The following CNTNAP2 variants were observed in gnomAD, a reference collection of about 807,000 sequenced individuals.
The protein encoded by CNTNAP2 is contactin-associated protein-like 2.
Under a neutral mutation model 155.2 loss-of-function variants are expected in CNTNAP2, and 98 were observed. The observed-to-expected ratio is 0.63, with a 90% CI of 0.54 to 0.75. The LOEUF (loss-of-function observed/expected upper bound fraction) is 0.75, where lower values mean the gene tolerates loss of function less well. Ranked by LOEUF, CNTNAP2 falls within the 30% of genes least tolerant of loss-of-function variation. The pLI is 0.00. For missense variants in CNTNAP2, 1,727 were observed against 1,688.1 expected, an observed-to-expected ratio of 1.02 and a Z score of -0.40; for synonymous variants, 651 against 631.2, an observed-to-expected ratio of 1.03 and a Z score of -0.47.
At chr7:146,665,686 C>T (rs1800177694) in intron 1 of CNTNAP2, among the ~76,000 whole-genome samples, 1 of 148,334 alleles carries the variant, frequency 6.7e-6, no homozygotes, top group African/African-American at 2.5e-5. Flanking sequence ...GAGGCTGAGA[C>T]AGGAGAATCG....
intron 11 of CNTNAP2, among the ~76,000 whole-genome samples, chr7:147,542,285 T>C (rs1799653893): frequency 6.8e-6 from 1 of 146,552 alleles, no homozygotes; most frequent in Non-Finnish European, 1.5e-5. Flanking sequence ...AGGGAGACAT[T>C]TGGATTGTTC....
rs115280837 is a variant in CNTNAP2 at position 146,213,549 on chromosome 7, A to G, written c.97+96576A>G. ...TTGTATGTTGGGCAACTCAAGAAGT[A>G]ATTTATTCAAACCCTAATGCTGGAA... On this transcript the variant is annotated intron_variant, in intron 1 of 23. Transcript: ENST00000361727. 5.3e-3 allele frequency among the ~76,000 whole-genome samples: 800 copies of G among 152,322 alleles called. 6 individuals are homozygous for G. Among genetic ancestry groups the G allele is most frequent in the African/African-American group, 0.018 (757 of 41,574 alleles).
chr7:146,749,301 A>G (rs1161252013), intron 1 of CNTNAP2, among the ~76,000 whole-genome samples: 1 of 152,188 alleles, frequency 6.6e-6, no homozygotes, highest in Non-Finnish European at 1.5e-5. Flanking sequence ...TAAAGTAAAC[A>G]CTTTTATTAC....
At chr7:147,992,476 G>C (rs910624578) in intron 15 of CNTNAP2, among the ~76,000 whole-genome samples, 20 of 152,138 alleles carry the variant, frequency 1.3e-4, no homozygotes, top group Non-Finnish European at 2.8e-4. Flanking sequence ...ATAGGAAATA[G>C]TGCATTTGAA....
chr7:147,317,249 C>T (rs918999628), intron 9 of CNTNAP2, among the ~76,000 whole-genome samples: 1 of 152,210 alleles, frequency 6.6e-6, no homozygotes, highest in African/African-American at 2.4e-5. Flanking sequence ...CTAGTTAGTC[C>T]TCTTTCAATC....
intron 8 of CNTNAP2, among the ~76,000 whole-genome samples, chr7:147,190,562 G>A (rs564044627): frequency 6.6e-6 from 1 of 152,134 alleles, no homozygotes; most frequent in East Asian, 1.9e-4. Context: ...AATTTCCATA[G>A]CAGTGAACAG....
At chr7:147,114,926 G>C (rs1800955246) in intron 5 of CNTNAP2, among the ~76,000 whole-genome samples, 1 of 152,080 alleles carries the variant, frequency 6.6e-6, no homozygotes, top group East Asian at 1.9e-4. Context: ...GTATTTCGAT[G>C]TGTTTCTGTA....
At chr7:147,512,822 A>G (rs1322570198) in intron 11 of CNTNAP2, among the ~76,000 whole-genome samples, 1 of 152,180 alleles carries the variant, frequency 6.6e-6, no homozygotes, top group Non-Finnish European at 1.5e-5. Flanking sequence ...ATCTCAGCAT[A>G]GTTTTGAATG....
chr7:147,773,649 C>T (rs996362570), intron 13 of CNTNAP2, among the ~76,000 whole-genome samples: 7 of 152,138 alleles, frequency 4.6e-5, no homozygotes, highest in African/African-American at 9.7e-5. Context: ...TAAATTCAAG[C>T]CCTAATCTCT....
intron 13 of CNTNAP2, among the ~76,000 whole-genome samples, chr7:147,775,759 C>T (rs573132255): frequency 2.6e-4 from 39 of 152,096 alleles, no homozygotes; most frequent in Admixed American, 2.0e-4. Flanking sequence ...GGACTTGGCA[C>T]TATTAGAACA....
chr7:148,013,502 G>A (rs886982155), intron 15 of CNTNAP2, among the ~76,000 whole-genome samples: 10 of 152,260 alleles, frequency 6.6e-5, no homozygotes, highest in African/African-American at 2.2e-4. Flanking sequence ...CAGAAGAAAA[G>A]AGTTTATTAT....
intron 1 of CNTNAP2, among the ~76,000 whole-genome samples, chr7:146,410,265 T>C (rs918259320): frequency 1.3e-5 from 2 of 152,192 alleles, no homozygotes; most frequent in African/African-American, 2.4e-5. Flanking sequence ...AACCCAGCCA[T>C]ACCCAATTGT....
At chr7:146,886,556 T>G (rs1238053361) in intron 3 of CNTNAP2, among the ~76,000 whole-genome samples, 1 of 152,046 alleles carries the variant, frequency 6.6e-6, no homozygotes, top group African/African-American at 2.4e-5. Context: ...GTATGTTTTT[T>G]TCTGTTTCTT....
chr7:147,582,616 C>A (rs1360979916), intron 12 of CNTNAP2, among the ~76,000 whole-genome samples: 1 of 152,084 alleles, frequency 6.6e-6, no homozygotes, highest in Non-Finnish European at 1.5e-5. Context: ...TAAAGAAATT[C>A]TTTATGCCAA....
intron 1 of CNTNAP2, among the ~76,000 whole-genome samples, chr7:146,705,521 C>G (rs1800947810): frequency 6.6e-6 from 1 of 152,116 alleles, no homozygotes; most frequent in Non-Finnish European, 1.5e-5. Context: ...CTAATACAAT[C>G]TTCTTGGTAC....
At chr7:147,803,348 T>G (rs1045889281) in intron 13 of CNTNAP2, among the ~76,000 whole-genome samples, 1 of 152,184 alleles carries the variant, frequency 6.6e-6, no homozygotes, top group Non-Finnish European at 1.5e-5. Context: ...TGTTTTGTAT[T>G]CATAGAAATG....
At chr7:147,903,826 AT>A in intron 14 of CNTNAP2, 105 bp downstream of exon 14, 1 of 1,393,960 alleles carries the variant, frequency 7.2e-7, no homozygotes, top group Non-Finnish European at 9.9e-7. Context: ...TAATACGATA[AT>A]AGGGTAGAAA....
intron 17 of CNTNAP2, among the ~76,000 whole-genome samples, chr7:148,167,957 C>A (rs1805702383): frequency 6.6e-6 from 1 of 152,142 alleles, no homozygotes; most frequent in South Asian, 2.1e-4. Flanking sequence ...TAAATATCTG[C>A]CTTAATGATA....
intron 1 of CNTNAP2, among the ~76,000 whole-genome samples, chr7:146,397,711 G>A (rs1010958176): frequency 6.6e-6 from 1 of 151,830 alleles, no homozygotes; most frequent in Non-Finnish European, 1.5e-5. Context: ...ACCCATACCA[G>A]TTTACAATAC....
Sources: allele counts gnomAD v4.1 joint callset (sites outside exome capture counted in the v4.1 genomes callset), GRCh38; gene constraint gnomAD v4.1.1; transcripts MANE v1.5; gene names NCBI Gene and HGNC (gene_info 2026-07-23, HGNC 2026-07-21).